Variants in INTS3 observed in about 807,000 individuals in gnomAD.
The protein encoded by INTS3 is SOSS complex subunit A.
A neutral mutation model predicts 146.3 loss-of-function variants in INTS3; 34 were observed. The ratio of observed to expected loss-of-function variants is 0.23; its 90% CI spans 0.18 to 0.31. The LOEUF (loss-of-function observed/expected upper bound fraction) is 0.31. INTS3 is among the 10% of genes least tolerant of loss of function. INTS3 has a pLI of 1.00. For missense variants in INTS3, 757 were observed against 1,304.2 expected (o/e 0.58, Z 6.46); for synonymous variants, 475 against 494.9 (o/e 0.96, Z 0.53).
rs764345899 is a variant in INTS3, at chr1:153,747,329, T to C, written c.483T>C (p.Asp161=). 1.9e-6 allele frequency: 3 copies of C among 1,614,090 alleles called. No individual in the cohort carries two copies. Among genetic ancestry groups the C allele is most frequent in the Admixed American group, 1.7e-5 (1 of 59,998 alleles). Residue 161 remains aspartate (D), a synonymous_variant, in exon 5 of 30, where the codon GAT becomes GAC. Coordinates refer to ENST00000318967, the MANE Select transcript of INTS3 (RefSeq NM_023015.5). ...TGAAGAGTGGGGTTCTGGGAGCCGA[T>C]GGTGTTTGTATGACGTTTATGAAGC... The part of the protein sequence containing the change: ...ELVKSGVLGA[D]GVCMTFMKQI...
chr1:153,770,546 G>C (rs952232229), intron 24 of INTS3, 139 bp from the exon 25 acceptor site: 4 of 757,266 alleles, frequency 5.3e-6, no homozygotes, highest in East Asian at 2.7e-5. Flanking sequence ...TGATAGGAGT[G>C]GGGTAGGGGA....
Position 153,728,486 on chromosome 1 carries a change from G to A in INTS3, c.-149G>A, listed in dbSNP as rs1267437444. Reference sequence around the variant, plus strand: ...AACGCAGGCGCGGCCTTTTGGAGAGGAGGGAGGAGTGGAGAGGACAGGGGC... The same window carrying A: ...AACGCAGGCGCGGCCTTTTGGAGAGAAGGGAGGAGTGGAGAGGACAGGGGC... On this transcript the variant is annotated 5_prime_UTR_variant, in exon 1 of 30. Transcript: ENST00000318967. 3.2e-6 allele frequency: 3 copies of A among 946,304 alleles called. No homozygotes were observed. Among genetic ancestry groups the A allele is most frequent in the Non-Finnish European group, 4.7e-6 (3 of 643,222 alleles). The allele number at this position is 946,304 out of a possible 1,614,324, so 58.6% of individuals were successfully genotyped here.
At position 153,767,783 on chromosome 1, in the gene INTS3, G is replaced by A. The variant is rs1312475867; in HGVS notation, c.2200G>A (p.Asp734Asn). The change falls in exon 21 of 30, where the codon GAT (aspartate) becomes AAT (asparagine). Residue 734 changes from aspartate to asparagine, a missense_variant. By Grantham distance (23) the Asp-to-Asn change is conservative. This residue lies in a region of INTS3 where 116 missense variants were observed against 226.5 expected (regional missense o/e 0.51). Coordinates refer to ENST00000318967, the MANE Select transcript of INTS3 (RefSeq NM_023015.5). ...MMDMKACQED[D>N]VRLLCHLTPS... Reference sequence around the variant, plus strand: ...GGACATGAAGGCCTGCCAGGAGGACGATGTGCGGCTCCTGTGCCACCTCAC... The same window carrying A: ...GGACATGAAGGCCTGCCAGGAGGACAATGTGCGGCTCCTGTGCCACCTCAC... 5 of 1,613,218 alleles carry A rather than the reference G, an allele frequency of 3.1e-6. No homozygotes were observed. Among genetic ancestry groups the A allele is most frequent in the African/African-American group, 1.3e-5 (1 of 74,886 alleles).
chr1:153,744,377 C>T (rs1046428518), intron 3 of INTS3, among the ~76,000 whole-genome samples: 5 of 152,204 alleles, frequency 3.3e-5, no homozygotes, highest in Non-Finnish European at 5.9e-5. Context: ...ACAGATTTTC[C>T]CTCTGCCTCT....
At chr1:153,734,885 T>A (rs919938722) in intron 1 of INTS3, among the ~76,000 whole-genome samples, 4 of 152,216 alleles carry the variant, frequency 2.6e-5, no homozygotes, top group African/African-American at 9.6e-5. Context: ...CCCATTAGAA[T>A]AGAAGTAGTG....
intron 3 of INTS3, among the ~76,000 whole-genome samples, chr1:153,741,683 C>G (rs1671539143): frequency 6.6e-6 from 1 of 152,192 alleles, no homozygotes; most frequent in Non-Finnish European, 1.5e-5. Context: ...CAATTGTAAC[C>G]AAGTCCATGA....
rs1203893351 is a variant in INTS3, at chr1:153,757,473, G to A, written c.958-99G>A. Reference sequence around the variant, plus strand: ...AATGAATGAATTGTGGAGAAATAGAGGTCTAGGGCAAACCTAGAGTTAAGT... The same window carrying A: ...AATGAATGAATTGTGGAGAAATAGAAGTCTAGGGCAAACCTAGAGTTAAGT... On this transcript the variant is annotated intron_variant, in intron 9 of 29. Coordinates refer to ENST00000318967, the MANE Select transcript of INTS3 (RefSeq NM_023015.5). This position sits in a 1 kb window ranked among gnomAD's most constrained non-coding sequence, Gnocchi z 4.0. 2.0e-5 allele frequency: 19 copies of A among 946,784 alleles called. 1 individual carries two copies. In the South Asian group the frequency reaches 2.7e-4, roughly 14 times the overall value. 58.6% of individuals were successfully genotyped at this position (946,784 alleles called of 1,614,324 possible). A position where few individuals can be genotyped will look rare whatever the true frequency, so the allele number is the denominator to read the frequency against.
rs751539398 is a variant in INTS3 at position 153,767,667 on chromosome 1, C to T, written c.2091-7C>T. ...GGCTGCTGGCTCAGGCCCAGCTGGT[C>T]TTGCAGCAAAGCCGCCGCAGGGAAG... is the stretch of plus-strand genomic sequence containing the variant. On this transcript the variant is annotated splice_polypyrimidine_tract_variant and splice_region_variant and intron_variant, in intron 20 of 29. Coordinates refer to ENST00000318967, the MANE Select transcript of INTS3 (RefSeq NM_023015.5). 1 of 1,572,722 alleles carries T rather than the reference C, an allele frequency of 6.4e-7. No homozygotes were observed. The highest frequency in any genetic ancestry group is 8.7e-7 in the Non-Finnish European group (1 of 1,153,348).
chr1:153,753,138 C>G (rs61626220), intron 8 of INTS3, among the ~76,000 whole-genome samples: 1,751 of 152,200 alleles, frequency 0.012, 37 homozygotes, highest in African/African-American at 0.04. Context: ...AATTGTAGTA[C>G]TCTTATATTG....
At chr1:153,742,297 C>T (rs912412118) in intron 3 of INTS3, among the ~76,000 whole-genome samples, 3 of 152,166 alleles carry the variant, frequency 2.0e-5, no homozygotes, top group Admixed American at 2.0e-4. Flanking sequence ...ATTGCTGTTT[C>T]ATTTTTATAC....
chr1:153,750,159 C>T (rs946641359), intron 6 of INTS3, among the ~76,000 whole-genome samples: 1 of 152,154 alleles, frequency 6.6e-6, no homozygotes, highest in Non-Finnish European at 1.5e-5. Context: ...AGTAGTTTTC[C>T]GGAATCAGGA....
intron 6 of INTS3, among the ~76,000 whole-genome samples, chr1:153,750,092 T>C (rs1250346602): frequency 6.6e-6 from 1 of 152,252 alleles, no homozygotes; most frequent in Admixed American, 6.5e-5. Flanking sequence ...TAACCTTGGC[T>C]AGTGTATCCA....
At chr1:153,762,191 G>A (rs1672407402) in intron 14 of INTS3, among the ~76,000 whole-genome samples, 1 of 152,258 alleles carries the variant, frequency 6.6e-6, no homozygotes, top group South Asian at 2.1e-4. Flanking sequence ...GCTCATGCCT[G>A]TAATCCCAGT....
intron 17 of INTS3, 108 bp downstream of exon 17, chr1:153,763,994 T>C: frequency 3.1e-6 from 4 of 1,285,388 alleles, no homozygotes; most frequent in Non-Finnish European, 4.5e-6. Flanking sequence ...GAGTCCCTCT[T>C]ATAGTGGGGA....
At chr1:153,754,202 A>G (rs1390530268) in intron 8 of INTS3, among the ~76,000 whole-genome samples, 1 of 152,170 alleles carries the variant, frequency 6.6e-6, no homozygotes, top group Non-Finnish European at 1.5e-5. Context: ...AAAACCAATA[A>G]TCATGCTTAT....
intron 20 of INTS3, chr1:153,766,847 G>C (rs533435764): frequency 2.0e-5 from 3 of 151,406 alleles, no homozygotes; most frequent in Non-Finnish European, 4.4e-5. Flanking sequence ...ACACCACCAC[G>C]CCCGGCTAAC....
At chr1:153,770,404 C>G in intron 24 of INTS3, 93 bp downstream of exon 24, 3 of 866,388 alleles carry the variant, frequency 3.5e-6, no homozygotes, top group Non-Finnish European at 5.9e-6. Context: ...AGGATGAGCC[C>G]AGATCCATTG....
Position 153,728,530 on chromosome 1 carries a change from A to C in INTS3, c.-105A>C, listed in dbSNP as rs1670943787. 7.1e-7 allele frequency: 1 copy of C among 1,402,906 alleles called. No individual in the cohort carries two copies. The highest frequency in any genetic ancestry group is 2.5e-5 in the Admixed American group (1 of 39,930). 86.9% of individuals were successfully genotyped at this position (1,402,906 alleles called of 1,614,324 possible). Reference sequence around the variant, plus strand: ...CAGGGGCCCTTGCTCTCCCCTCCCCAACTTGTTCCTCTTGCCCCCCAGTCC... The same window carrying C: ...CAGGGGCCCTTGCTCTCCCCTCCCCCACTTGTTCCTCTTGCCCCCCAGTCC... On this transcript the variant is annotated 5_prime_UTR_variant, in exon 1 of 30. Transcript: ENST00000318967.
rs61803569 is a variant in INTS3, at chr1:153,744,038, C to T, written c.318+2670C>T. Among the ~76,000 whole-genome samples, 245 of 142,342 alleles carry T rather than the reference C, an allele frequency of 1.7e-3. 3 individuals carry two copies. The highest frequency in any genetic ancestry group is 6.2e-3 in the African/African-American group (237 of 38,188). 93.4% of individuals were successfully genotyped at this position (142,342 alleles called of 152,430 possible). On this transcript the variant is annotated intron_variant, in intron 3 of 29. Transcript: ENST00000318967. The stretch of plus-strand genomic sequence containing the variant: ...TTTCCTCACTGAGGGTGTGCATGTG[C>T]GTGTGTGTGTGTGTGTGTGTGTGTG...
Sources: allele counts gnomAD v4.1 joint callset (sites outside exome capture counted in the v4.1 genomes callset), GRCh38; gene constraint gnomAD v4.1.1; regional missense constraint gnomAD v4.1.1; non-coding constraint Gnocchi (gnomAD v3.1); transcripts MANE v1.5; gene names NCBI Gene and HGNC (gene_info 2026-07-23, HGNC 2026-07-21).